The following PIK3AP1 variants were observed in gnomAD, a reference collection of about 807,000 sequenced individuals.
PIK3AP1 encodes phosphoinositide 3-kinase adapter protein 1.
PIK3AP1 carries 21 observed loss-of-function variants against 88.1 expected under a neutral mutation model. That is an observed-to-expected ratio of 0.24 (90% CI 0.17 to 0.34). The LOEUF is 0.34. Ranked by LOEUF, PIK3AP1 falls within the 10% of genes least tolerant of loss-of-function variation. The pLI is 1.00. For synonymous variants in PIK3AP1, 398 were observed against 400.0 expected, an observed-to-expected ratio of 1.00 and a Z score of 0.06; for missense variants, 828 against 1,035.7, an observed-to-expected ratio of 0.80 and a Z score of 2.75.
At chr10:96,697,856 C>T (rs918745300) in intron 2 of PIK3AP1, among the ~76,000 whole-genome samples, 4 of 152,126 alleles carry the variant, frequency 2.6e-5, no homozygotes, top group African/African-American at 9.7e-5. Flanking sequence ...TTTTGTATAT[C>T]CTTTCAGGAA....
intron 16 of PIK3AP1, among the ~76,000 whole-genome samples, chr10:96,596,379 GC>G (rs1013496020): frequency 1.1e-4 from 16 of 152,190 alleles, no homozygotes; most frequent in Admixed American, 3.3e-4. Context: ...TCCCCATGTA[GC>G]CCCCTATGGG....
In PIK3AP1 at chr10:96,670,643, C is replaced by G. The variant is rs181577484; in HGVS notation, c.431-13709G>C. Among the ~76,000 whole-genome samples, 16 of 152,198 alleles carry G rather than the reference C, an allele frequency of 1.1e-4. No individual in the cohort carries two copies. In the East Asian group the frequency reaches 3.1e-3, roughly 29 times the overall value. ...AGGGAGTTTGGGTGTCTGAGAGGAC[C>G]CTGATTCCCATGCAGGGTGTATATT... On this transcript the variant is annotated intron_variant, in intron 2 of 16. Transcript: ENST00000339364.
At chr10:96,628,889 C>CATATACATAT (rs1554955371) in intron 8 of PIK3AP1, among the ~76,000 whole-genome samples, 3,361 of 60,584 alleles carry the variant, frequency 0.055, 368 homozygotes, top group Middle Eastern at 0.085. Context: ...TATATATATA[C>CATATACATAT]ATATATATAT....
Position 96,666,279 on chromosome 10 carries a change from C to T in PIK3AP1, c.431-9345G>A, listed in dbSNP as rs371584627. ...CTAAAAATACAAAAAATTAGCCGGG[C>T]GTGGTAGCAGGCGCCTGTAGTCCCA... On this transcript the variant is annotated intron_variant, in intron 2 of 16. Transcript: ENST00000339364. Among the ~76,000 whole-genome samples, 46 of 151,996 alleles carry T rather than the reference C, an allele frequency of 3.0e-4. No homozygotes were observed. The South Asian group carries it at 4.2e-3, about 14-fold the overall frequency.
chr10:96,596,795 C>T (rs1848760107), intron 16 of PIK3AP1, among the ~76,000 whole-genome samples: 1 of 152,072 alleles, frequency 6.6e-6, no homozygotes, highest in Non-Finnish European at 1.5e-5. Context: ...ACTGTAAAAC[C>T]AATATTTAAT....
At chr10:96,661,497 C>T (rs1280224455) in intron 2 of PIK3AP1, among the ~76,000 whole-genome samples, 1 of 152,160 alleles carries the variant, frequency 6.6e-6, no homozygotes, top group Non-Finnish European at 1.5e-5. Flanking sequence ...AAATGTGCCA[C>T]TCTGGTGCTG....
At chr10:96,600,125 T>C (rs1339839709) in intron 16 of PIK3AP1, among the ~76,000 whole-genome samples, 1 of 152,166 alleles carries the variant, frequency 6.6e-6, no homozygotes, top group Non-Finnish European at 1.5e-5. Flanking sequence ...CCTCCCCTAA[T>C]ACTGAGACTT....
At chr10:96,676,554 G>A (rs376812033) in intron 2 of PIK3AP1, among the ~76,000 whole-genome samples, 163 of 151,834 alleles carry the variant, frequency 1.1e-3, no homozygotes, top group African/African-American at 3.8e-3. Context: ...CAGACACATG[G>A]AAGCCAGGCT....
At chr10:96,683,478 A>C (rs1844028789) in intron 2 of PIK3AP1, among the ~76,000 whole-genome samples, 1 of 152,244 alleles carries the variant, frequency 6.6e-6, no homozygotes, top group Non-Finnish European at 1.5e-5. Context: ...GTACTGACAA[A>C]AAAAAATCTA....
intron 2 of PIK3AP1, among the ~76,000 whole-genome samples, chr10:96,682,134 T>C (rs929752669): frequency 5.9e-5 from 9 of 152,126 alleles, no homozygotes; most frequent in African/African-American, 2.2e-4. Flanking sequence ...CAAACACCTG[T>C]TCATAGATCA....
chr10:96,606,929 GT>G (rs1849013231), intron 14 of PIK3AP1, among the ~76,000 whole-genome samples: 1 of 152,180 alleles, frequency 6.6e-6, no homozygotes, highest in Non-Finnish European at 1.5e-5. Context: ...ACTAGCGTCT[GT>G]TTTAAAAAAG....
chr10:96,656,020 C>T (rs1296319656), intron 3 of PIK3AP1, among the ~76,000 whole-genome samples: 1 of 152,216 alleles, frequency 6.6e-6, no homozygotes, highest in Non-Finnish European at 1.5e-5. Flanking sequence ...ACAAAACCAC[C>T]CACAAGGGTG....
chr10:96,675,060 T>C (rs898056196), intron 2 of PIK3AP1, among the ~76,000 whole-genome samples: 3 of 152,162 alleles, frequency 2.0e-5, no homozygotes, highest in East Asian at 3.9e-4. Context: ...GCCCAGCTAA[T>C]TGTTGTATTT....
chr10:96,634,898 A>C (rs1325983227), intron 8 of PIK3AP1, among the ~76,000 whole-genome samples: 2 of 151,564 alleles, frequency 1.3e-5, no homozygotes, highest in African/African-American at 2.4e-5. Context: ...TCCTTTCCAG[A>C]CTCTAGAGGC....
chr10:96,605,988 G>A (rs1848995860), intron 14 of PIK3AP1, among the ~76,000 whole-genome samples: 1 of 152,144 alleles, frequency 6.6e-6, no homozygotes, highest in Non-Finnish European at 1.5e-5. Flanking sequence ...GGACACTGAG[G>A]CAGAGAACTG....
intron 14 of PIK3AP1, 57 bp downstream of exon 14, chr10:96,609,655 G>A: frequency 5.1e-6 from 8 of 1,577,006 alleles, no homozygotes; most frequent in Middle Eastern, 1.9e-4. Flanking sequence ...TAAGGTCCAA[G>A]GGTGCCAGCT....
At position 96,593,610 on chromosome 10, in the gene PIK3AP1, T is replaced by C. The variant is rs1345185391; in HGVS notation, c.*1967A>G. On this transcript the variant is annotated 3_prime_UTR_variant, in exon 17 of 17. Coordinates refer to ENST00000339364, the MANE Select transcript of PIK3AP1 (RefSeq NM_152309.3). Reference sequence around the variant, plus strand: ...CTGTCTATAAGTAACAGGGCAAGCATACCAACATCAAAATTATTCTTCTTC... The same window carrying C: ...CTGTCTATAAGTAACAGGGCAAGCACACCAACATCAAAATTATTCTTCTTC... 4.6e-5 allele frequency: 7 copies of C among 151,938 alleles called. No homozygotes were observed. Among genetic ancestry groups the C allele is most frequent in the Non-Finnish European group, 8.8e-5 (6 of 68,024 alleles). 9.4% of individuals were successfully genotyped at this position (151,938 alleles called of 1,614,324 possible).
chr10:96,621,775 C>T (rs913487163), intron 11 of PIK3AP1: 3 of 152,278 alleles, frequency 2.0e-5, no homozygotes, highest in Non-Finnish European at 4.4e-5. Context: ...TATTTCTCAA[C>T]CTTGGCACTA....
At chr10:96,628,294 C>G in intron 9 of PIK3AP1, 104 bp downstream of exon 9, 1 of 962,626 alleles carries the variant, frequency 1.0e-6, no homozygotes, top group East Asian at 2.4e-5. Flanking sequence ...ATGTATGCAG[C>G]AGCCCATTCC....
Sources: gnomAD v4.1 joint callset for allele counts (sites outside exome capture counted in the v4.1 genomes callset) on GRCh38, gnomAD v4.1.1 for gene constraint, MANE v1.5 for transcripts, NCBI Gene and HGNC (gene_info 2026-07-23, HGNC 2026-07-21) for gene names.